SLC24A4: variants seen among roughly 807,000 people sequenced by gnomAD.
SLC24A4 encodes the protein solute carrier family 24 member 4.
Under a neutral mutation model 79.0 loss-of-function variants are expected in SLC24A4, and 53 were observed. The ratio of observed to expected loss-of-function variants is 0.67; its 90% confidence interval spans 0.54 to 0.84. The LOEUF (loss-of-function observed/expected upper bound fraction) is 0.84. SLC24A4 is among the 40% of genes least tolerant of loss of function. The probability of loss-of-function intolerance (pLI) is 0.00; values close to 1 mark genes in which losing one functional copy is unlikely to be tolerated. For synonymous variants in SLC24A4, 323 were observed against 323.8 expected (o/e 1.00, Z 0.03); for missense variants, 731 against 822.0 (o/e 0.89, Z 1.35).
intron 2 of SLC24A4, among the ~76,000 whole-genome samples, chr14:92,376,852 G>A (rs1292922174): frequency 6.6e-6 from 1 of 152,174 alleles, no homozygotes; most frequent in South Asian, 2.1e-4. Context: ...GGTTGCTAGT[G>A]GGTAGAGTAT....
At chr14:92,431,857 A>G (rs1204821076) in intron 2 of SLC24A4, among the ~76,000 whole-genome samples, 1 of 152,212 alleles carries the variant, frequency 6.6e-6, no homozygotes, top group Non-Finnish European at 1.5e-5. Flanking sequence ...ACTCCAGTCG[A>G]CAGTGTGGCG....
intron 2 of SLC24A4, among the ~76,000 whole-genome samples, chr14:92,348,045 T>C (rs117072175): frequency 0.1 from 15,377 of 152,302 alleles, 934 homozygotes; most frequent in Admixed American, 0.14. Context: ...ACAGTTGAGA[T>C]GTTAGAGCTT....
intron 10 of SLC24A4, 60 bp downstream of exon 10, chr14:92,449,276 TTG>T: frequency 6.8e-7 from 1 of 1,479,156 alleles, no homozygotes; most frequent in Non-Finnish European, 9.2e-7. Flanking sequence ...CTCTCCTCTT[TTG>T]TGTACACACA....
intron 2 of SLC24A4, among the ~76,000 whole-genome samples, chr14:92,408,166 A>AGTGTGTGTGTGTGTGTGT (rs143375295): frequency 0.022 from 3,009 of 136,804 alleles, 87 homozygotes; most frequent in East Asian, 0.066. Context: ...TTGCTACAGC[A>AGTGTGTGTGTGTGTGTGT]GTGTGTGTGT....
Position 92,442,182 on chromosome 14 carries a change from T to C in SLC24A4, c.478+9T>C, listed in dbSNP as rs1310539663. 6.2e-7 allele frequency: 1 copy of C among 1,611,206 alleles called. No individual in the cohort carries two copies. The highest frequency in any genetic ancestry group is 8.5e-7 in the Non-Finnish European group (1 of 1,178,324). On this transcript the variant is annotated intron_variant, in intron 5 of 16. Transcript: ENST00000532405. ...GTTTGCGTCTGTTATTGGTAAGAAA[T>C]CCCCTCCAGCCTGAGACACAGGATC...
intron 3 of SLC24A4, among the ~76,000 whole-genome samples, chr14:92,436,685 C>G (rs1055750934): frequency 1.3e-5 from 2 of 152,178 alleles, no homozygotes; most frequent in Non-Finnish European, 2.9e-5. Flanking sequence ...GCCAGTTTTG[C>G]CTGCAGTGCT....
chr14:92,482,632 G>C, intron 12 of SLC24A4, 48 bp from the exon 13 acceptor site: 1 of 1,536,812 alleles, frequency 6.5e-7, no homozygotes, highest in Non-Finnish European at 8.8e-7. Flanking sequence ...GTGTTACCCA[G>C]TGTCTTTCTC....
intron 2 of SLC24A4, among the ~76,000 whole-genome samples, chr14:92,409,434 T>C (rs1310597998): frequency 6.6e-6 from 1 of 152,230 alleles, no homozygotes; most frequent in Admixed American, 6.5e-5. Flanking sequence ...TTATTTCCAT[T>C]TGGAGCTGTG....
chr14:92,341,647 G>A (rs934504687), intron 2 of SLC24A4, among the ~76,000 whole-genome samples: 10 of 152,270 alleles, frequency 6.6e-5, no homozygotes, highest in African/African-American at 1.9e-4. Flanking sequence ...AACCGTCGAC[G>A]GGCAGCTTGC....
chr14:92,325,904 C>A lies in SLC24A4; in HGVS notation c.167C>A (p.Pro56Gln), dbSNP rs563783999. 4 of 1,612,186 alleles carry A rather than the reference C, an allele frequency of 2.5e-6. No homozygotes were observed. Among genetic ancestry groups the A allele is most frequent in the African/African-American group, 2.7e-5 (2 of 75,020 alleles). ...KTASASKRVL[P>Q]DTWRNRKLMA... Reference sequence around the variant, plus strand: ...GCTTCTGCTAGCAAACGTGTCCTGCCAGACACGTGGAGAAATAGAAAGTTG... The same window carrying A: ...GCTTCTGCTAGCAAACGTGTCCTGCAAGACACGTGGAGAAATAGAAAGTTG... Residue 56 changes from proline (P) to glutamine (Q), a missense_variant, in exon 2 of 17, where the codon CCA (proline) becomes CAA (glutamine). Physicochemically the swap from Pro to Gln is moderately conservative, Grantham distance 76 (BLOSUM62 -1). Transcript: ENST00000532405.
chr14:92,408,387 C>G (rs901827438), intron 2 of SLC24A4: 1 of 985,222 alleles, frequency 1.0e-6, no homozygotes, highest in Non-Finnish European at 1.2e-6. Flanking sequence ...GCAATAAGTG[C>G]CTGTGTGTTG....
intron 12 of SLC24A4, among the ~76,000 whole-genome samples, chr14:92,477,352 T>C (rs1894822393): frequency 6.6e-6 from 1 of 152,246 alleles, no homozygotes; most frequent in African/African-American, 2.4e-5. Flanking sequence ...AAGAGTTCTT[T>C]ACATATTTTG....
At chr14:92,459,868 G>A (rs1461315572) in intron 12 of SLC24A4, among the ~76,000 whole-genome samples, 1 of 152,104 alleles carries the variant, frequency 6.6e-6, no homozygotes, top group Non-Finnish European at 1.5e-5. Flanking sequence ...CCAGCTCCTG[G>A]CCCTGCCACC....
chr14:92,473,896 G>A (rs1043268140), intron 12 of SLC24A4, among the ~76,000 whole-genome samples: 1 of 152,216 alleles, frequency 6.6e-6, no homozygotes, highest in Non-Finnish European at 1.5e-5. Context: ...ATGTGCCTGG[G>A]AGAAATGATC....
At chr14:92,349,221 G>A (rs992766787) in intron 2 of SLC24A4, among the ~76,000 whole-genome samples, 26 of 151,296 alleles carry the variant, frequency 1.7e-4, no homozygotes, top group African/African-American at 5.4e-4. Flanking sequence ...GTGCAGTGGC[G>A]CGATCTCGGC....
At chr14:92,412,361 C>G (rs1471910359) in intron 2 of SLC24A4, among the ~76,000 whole-genome samples, 2 of 152,194 alleles carry the variant, frequency 1.3e-5, no homozygotes, top group East Asian at 1.9e-4. Context: ...TGGATGAGAA[C>G]AGGGGAAGGG....
chr14:92,406,479 G>A (rs113653988), intron 2 of SLC24A4, among the ~76,000 whole-genome samples: 1,545 of 152,306 alleles, frequency 0.01, 20 homozygotes, highest in Non-Finnish European at 0.017. Flanking sequence ...GGTTCTCCAT[G>A]AGGGCTCTAC....
intron 2 of SLC24A4, among the ~76,000 whole-genome samples, chr14:92,432,830 G>C (rs185519337): frequency 1.3e-5 from 2 of 152,070 alleles, no homozygotes; most frequent in Non-Finnish European, 2.9e-5. Context: ...AGAGCTTAGG[G>C]CCCAATTATA....
chr14:92,325,766 A>C, intron 1 of SLC24A4, 102 bp from the exon 2 acceptor site: 1 of 680,994 alleles, frequency 1.5e-6, no homozygotes, highest in East Asian at 2.7e-5. Flanking sequence ...CTGAATAGGC[A>C]AACAGGGCTG....
Sources: gnomAD v4.1 joint callset for allele counts (sites outside exome capture counted in the v4.1 genomes callset) on GRCh38, gnomAD v4.1.1 for gene constraint, MANE v1.5 for transcripts, NCBI Gene and HGNC (gene_info 2026-07-23, HGNC 2026-07-21) for gene names.